HPSE2: variants seen among roughly 807,000 people sequenced by gnomAD.
HPSE2 encodes the protein inactive heparanase-2.
HPSE2 carries 38 observed loss-of-function variants against 60.5 expected under a neutral mutation model. That is an observed-to-expected ratio of 0.63 (90% CI 0.48 to 0.82). The LOEUF (loss-of-function observed/expected upper bound fraction) is 0.82, where lower values mean the gene tolerates loss of function less well. Ranked by LOEUF, HPSE2 falls within the 40% of genes least tolerant of loss-of-function variation. The pLI is 0.00. For synonymous variants in HPSE2, 295 were observed against 293.2 expected, an observed-to-expected ratio of 1.01 and a Z score of -0.06; for missense variants, 713 against 740.4, an observed-to-expected ratio of 0.96 and a Z score of 0.43.
chr10:98,690,979 T>C (rs1948063745), intron 6 of HPSE2, among the ~76,000 whole-genome samples: 1 of 152,238 alleles, frequency 6.6e-6, no homozygotes, highest in Non-Finnish European at 1.5e-5. Flanking sequence ...ACTGAATTGA[T>C]TCTTCTGGCC....
At chr10:98,516,466 A>G (rs769037186) in intron 9 of HPSE2, among the ~76,000 whole-genome samples, 6 of 152,204 alleles carry the variant, frequency 3.9e-5, no homozygotes, top group Non-Finnish European at 8.8e-5. Flanking sequence ...GCCTGATGAA[A>G]TGGGTAAAAT....
intron 9 of HPSE2, among the ~76,000 whole-genome samples, chr10:98,491,537 T>C (rs565799415): frequency 6.6e-5 from 10 of 152,348 alleles, no homozygotes; most frequent in South Asian, 4.1e-4. Context: ...GGTTTTCACA[T>C]TGCAAGGGAA....
intron 11 of HPSE2, among the ~76,000 whole-genome samples, chr10:98,474,647 GA>G (rs1009132921): frequency 4.7e-5 from 7 of 150,196 alleles, no homozygotes; most frequent in African/African-American, 9.8e-5. Flanking sequence ...GTGGAAAAAG[GA>G]AAAAAAAAGA....
intron 9 of HPSE2, among the ~76,000 whole-genome samples, chr10:98,583,242 C>T (rs1944852684): frequency 6.6e-6 from 1 of 152,226 alleles, no homozygotes; most frequent in African/African-American, 2.4e-5. Flanking sequence ...TCTTCATTTA[C>T]ATAGGCGTAC....
At chr10:98,527,793 A>G (rs1382452725) in intron 9 of HPSE2, among the ~76,000 whole-genome samples, 1 of 152,166 alleles carries the variant, frequency 6.6e-6, no homozygotes. Context: ...CACTCAATAA[A>G]TATTTGAGGA....
chr10:99,076,118 C>T (rs1589616415), intron 3 of HPSE2, among the ~76,000 whole-genome samples: 1 of 147,708 alleles, frequency 6.8e-6, no homozygotes, highest in South Asian at 2.2e-4. Context: ...ATTCTTTTGT[C>T]CCTCTTCTCC....
intron 9 of HPSE2, among the ~76,000 whole-genome samples, chr10:98,605,111 C>T (rs938065370): frequency 1.1e-4 from 16 of 152,194 alleles, no homozygotes; most frequent in African/African-American, 3.9e-4. Context: ...TTTAGCTCCT[C>T]CCTTCCAGCC....
chr10:99,268,524 T>C, the HPSE2 span, among the ~76,000 whole-genome samples: 1 of 151,162 alleles, frequency 6.6e-6, no homozygotes, highest in Non-Finnish European at 1.5e-5. Flanking sequence ...TGTGCACCTA[T>C]AATCCCAGCT....
At chr10:98,973,043 C>T (rs1589446277) in intron 3 of HPSE2, among the ~76,000 whole-genome samples, 2 of 152,178 alleles carry the variant, frequency 1.3e-5, no homozygotes, top group South Asian at 2.1e-4. Context: ...CTTGTATATT[C>T]TTCTAGATTG....
chr10:98,463,404 A>T (rs2133582996), intron 11 of HPSE2, among the ~76,000 whole-genome samples: 1 of 152,352 alleles, frequency 6.6e-6, no homozygotes, highest in East Asian at 1.9e-4. Flanking sequence ...TGCATACACA[A>T]AGATGACGAA....
At chr10:99,212,191 G>A (rs1430156577) in intron 2 of HPSE2, among the ~76,000 whole-genome samples, 2 of 151,900 alleles carry the variant, frequency 1.3e-5, no homozygotes, top group African/African-American at 4.8e-5. Context: ...TGTTGGTGAG[G>A]GTGTAGAGAA....
At chr10:98,724,811 T>G (rs1949027051) in intron 4 of HPSE2, among the ~76,000 whole-genome samples, 1 of 152,088 alleles carries the variant, frequency 6.6e-6, no homozygotes, top group Non-Finnish European at 1.5e-5. Context: ...AAAATCAATG[T>G]GCAAAAATCA....
At chr10:98,658,430 G>A (rs570927678) in intron 6 of HPSE2, among the ~76,000 whole-genome samples, 7 of 152,282 alleles carry the variant, frequency 4.6e-5, no homozygotes, top group South Asian at 2.1e-4. Flanking sequence ...AAGACATAAA[G>A]CATGTTGTTA....
intron 3 of HPSE2, among the ~76,000 whole-genome samples, chr10:98,849,439 A>G (rs1952115043): frequency 6.6e-6 from 1 of 152,230 alleles, no homozygotes; most frequent in African/African-American, 2.4e-5. Flanking sequence ...CCAAAGAGTA[A>G]GCTAAGATTG....
At chr10:99,296,529 G>A in the HPSE2 span, among the ~76,000 whole-genome samples, 1 of 152,218 alleles carries the variant, frequency 6.6e-6, no homozygotes, top group Admixed American at 6.5e-5. Context: ...CTACTCTCTT[G>A]CCTACAGGGT....
chr10:99,002,889 G>A (rs1229139195), intron 3 of HPSE2, among the ~76,000 whole-genome samples: 1 of 151,862 alleles, frequency 6.6e-6, no homozygotes, highest in African/African-American at 2.4e-5. Flanking sequence ...TATCTTTTTT[G>A]TGATGAGAAC....
At chr10:98,949,205 A>T (rs920592904) in intron 3 of HPSE2, among the ~76,000 whole-genome samples, 7 of 151,652 alleles carry the variant, frequency 4.6e-5, no homozygotes, top group South Asian at 2.1e-4. Context: ...TAATCCTTTA[A>T]AAAAAAAGTG....
At chr10:98,797,860 A>G (rs1438609932) in intron 3 of HPSE2, among the ~76,000 whole-genome samples, 2 of 151,594 alleles carry the variant, frequency 1.3e-5, no homozygotes, top group African/African-American at 4.9e-5. Flanking sequence ...ACAAAAAACA[A>G]AAAAACAAAA....
chr10:99,019,004 T>C (rs1957203181), intron 3 of HPSE2, among the ~76,000 whole-genome samples: 1 of 152,184 alleles, frequency 6.6e-6, no homozygotes, highest in African/African-American at 2.4e-5. Flanking sequence ...ATACTCAACA[T>C]ATGCAAAAGC....
Sources: gnomAD v4.1 joint callset for allele counts (sites outside exome capture counted in the v4.1 genomes callset) on GRCh38, gnomAD v4.1.1 for gene constraint, MANE v1.5 for transcripts, NCBI Gene and HGNC (gene_info 2026-07-23, HGNC 2026-07-21) for gene names.